Variants in MRPL39 observed in about 807,000 individuals in gnomAD.
MRPL39 encodes the protein large ribosomal subunit protein mL39.
In MRPL39, 35 loss-of-function variants were observed where a neutral mutation model predicts 44.5. The ratio of observed to expected loss-of-function variants is 0.79; its 90% CI spans 0.60 to 1.04. The LOEUF is 1.04. Among genes scored for constraint, MRPL39 ranks in the 50% least tolerant of loss-of-function variants. The probability of loss-of-function intolerance (pLI) is 0.00; values close to 1 mark genes in which losing one functional copy is unlikely to be tolerated. For synonymous variants in MRPL39, 139 were observed against 136.1 expected (o/e 1.02, Z -0.15); for missense variants, 433 against 413.5 (o/e 1.05, Z -0.41).
intron 2 of MRPL39, among the ~76,000 whole-genome samples, chr21:25,605,837 C>A (rs1029108099): frequency 3.9e-5 from 6 of 152,124 alleles, no homozygotes; most frequent in African/African-American, 1.4e-4. Context: ...TATGATAGTA[C>A]CACTACACTC....
At position 25,606,581 on chromosome 21, in the gene MRPL39, TA is replaced by T; in HGVS notation, c.147del (p.Asn49LysfsTer10). Reference sequence around the variant, plus strand: ...AATGATAACTGCCTGGCTTTCTCTTTATTAAAGAGATCATTCCGCATTTCTG... The same window carrying T: ...AATGATAACTGCCTGGCTTTCTCTTTTTAAAGAGATCATTCCGCATTTCTG... ...ELTEMRNDLFNKEKARQLSLT... is the reference protein window; with the variant it reads ...ELTEMRNDLFXKEKARQLSLT... On this transcript the variant is annotated frameshift_variant, in exon 2 of 10. Transcript: ENST00000352957. LOFTEE classifies it high-confidence loss of function. 1 of 1,614,072 alleles carries T rather than the reference TA, an allele frequency of 6.2e-7. No homozygotes were observed. The highest frequency in any genetic ancestry group is 1.1e-5 in the South Asian group (1 of 91,076).
chr21:25,588,220 G>A lies in MRPL39; in HGVS notation c.969+615C>T, dbSNP rs185031048. 1.9e-3 allele frequency among the ~76,000 whole-genome samples: 291 copies of A among 152,176 alleles called. 3 individuals carry two copies. Among genetic ancestry groups the A allele is most frequent in the African/African-American group, 6.6e-3 (274 of 41,550 alleles). On this transcript the variant is annotated intron_variant, in intron 9 of 9. Coordinates refer to ENST00000352957, the MANE Select transcript of MRPL39 (RefSeq NM_017446.4). Reference sequence around the variant, plus strand: ...CCAGCTACTTGGGAGGCTGAGGCACGAGAATCGCTTGAGCCCGGGAGGTGG... The same window carrying A: ...CCAGCTACTTGGGAGGCTGAGGCACAAGAATCGCTTGAGCCCGGGAGGTGG...
At chr21:25,597,452 C>G in intron 5 of MRPL39, 38 bp from the exon 6 acceptor site, 1 of 1,198,156 alleles carries the variant, frequency 8.3e-7, no homozygotes, top group Non-Finnish European at 1.2e-6. Context: ...TAACAATTCA[C>G]TGAAAAGCAT....
At chr21:25,599,921 A>C in intron 4 of MRPL39, 55 bp from the exon 5 acceptor site, 1 of 1,334,642 alleles carries the variant, frequency 7.5e-7, no homozygotes, top group Non-Finnish European at 1.1e-6. Context: ...ACAGAAAGTT[A>C]CTAATTTGCA....
chr21:25,606,952 C>A (rs563834014), intron 1 of MRPL39, among the ~76,000 whole-genome samples: 3 of 152,168 alleles, frequency 2.0e-5, no homozygotes, highest in Non-Finnish European at 2.9e-5. Flanking sequence ...ACAAAGTGGT[C>A]GGTTTGACAG....
intron 8 of MRPL39, among the ~76,000 whole-genome samples, chr21:25,590,375 A>T (rs76514064): frequency 0.024 from 3,578 of 147,818 alleles, 163 homozygotes; most frequent in African/African-American, 0.086. Flanking sequence ...AATGACAGCT[A>T]ATGAGCTAAA....
intron 6 of MRPL39, among the ~76,000 whole-genome samples, chr21:25,595,162 G>C (rs1286006775): frequency 6.6e-6 from 1 of 152,148 alleles, no homozygotes; most frequent in Non-Finnish European, 1.5e-5. Flanking sequence ...ATATGTGTAG[G>C]TGCACCACAG....
chr21:25,604,216 G>A (rs1047720396), intron 2 of MRPL39, among the ~76,000 whole-genome samples: 8 of 151,964 alleles, frequency 5.3e-5, no homozygotes, highest in Non-Finnish European at 7.4e-5. Context: ...CCGAGATCAC[G>A]CCACTGCATT....
chr21:25,602,472 A>G (rs79180215), intron 3 of MRPL39, among the ~76,000 whole-genome samples: 2 of 152,312 alleles, frequency 1.3e-5, no homozygotes, highest in Admixed American at 1.3e-4. Flanking sequence ...TACATAATAC[A>G]TACATACTCA....
intron 1 of MRPL39, 107 bp downstream of exon 1, chr21:25,607,296 C>T: frequency 1.6e-6 from 2 of 1,243,170 alleles, no homozygotes; most frequent in East Asian, 2.4e-5. Context: ...AGAAACCCTC[C>T]TCCTTCCTCT....
chr21:25,585,833 A>G, intron 9 of MRPL39, 79 bp from the exon 10 acceptor site: 1 of 965,598 alleles, frequency 1.0e-6, no homozygotes, highest in Non-Finnish European at 1.6e-6. Flanking sequence ...AAATCATTCC[A>G]CAGCCCTCTT....
At chr21:25,594,401 G>T (rs979864557) in intron 6 of MRPL39, among the ~76,000 whole-genome samples, 7 of 151,590 alleles carry the variant, frequency 4.6e-5, no homozygotes, top group Admixed American at 4.6e-4. Context: ...ACAGGTGTGA[G>T]CCACCATGCC....
chr21:25,590,915 A>G (rs1423106597), intron 8 of MRPL39, among the ~76,000 whole-genome samples: 3 of 152,216 alleles, frequency 2.0e-5, no homozygotes, highest in African/African-American at 7.2e-5. Context: ...TGGTACTGGT[A>G]GAGAGCTAAA....
At chr21:25,601,272 T>C in intron 4 of MRPL39, 96 bp downstream of exon 4, 1 of 613,216 alleles carries the variant, frequency 1.6e-6, no homozygotes, top group Non-Finnish European at 2.7e-6. Context: ...CACATATGTA[T>C]AATGGTAATT....
intron 2 of MRPL39, among the ~76,000 whole-genome samples, chr21:25,605,384 T>C (rs1336065515): frequency 6.6e-6 from 1 of 152,182 alleles, no homozygotes; most frequent in Admixed American, 6.5e-5. Flanking sequence ...TTTACCCCAA[T>C]CACATTCACC....
In MRPL39 at chr21:25,592,743, G is replaced by T. The variant is rs1460285677; in HGVS notation, c.921+69C>A. 5 of 1,166,104 alleles carry T rather than the reference G, an allele frequency of 4.3e-6. No individual in the cohort carries two copies. The Admixed American group carries it at 1.3e-4, about 30-fold the overall frequency. 72.2% of individuals were successfully genotyped at this position (1,166,104 alleles called of 1,614,324 possible). ...TTAAAAGTTTATATTCTTCAAACTG[G>T]TATAAAATCAAGTCCGGAATTATAT... On this transcript the variant is annotated intron_variant, in intron 8 of 9. Transcript: ENST00000352957.
intron 1 of MRPL39, 115 bp downstream of exon 1, chr21:25,607,288 A>G: frequency 8.7e-7 from 1 of 1,147,584 alleles, no homozygotes; most frequent in Non-Finnish European, 1.3e-6. Context: ...AGGGACTAAG[A>G]AACCCTCCTC....
At chr21:25,588,668 C>T (rs1468995803) in intron 9 of MRPL39, among the ~76,000 whole-genome samples, 167 bp downstream of exon 9, 1 of 152,176 alleles carries the variant, frequency 6.6e-6, no homozygotes, top group Admixed American at 6.5e-5. Flanking sequence ...CAACTTTACC[C>T]TTACCAACAC....
At chr21:25,604,073 C>A (rs530021497) in intron 2 of MRPL39, 138 bp from the exon 3 acceptor site, 1 of 750,958 alleles carries the variant, frequency 1.3e-6, no homozygotes, top group Non-Finnish European at 2.1e-6. Context: ...AAGTATATTA[C>A]GTCTATAATC....
Sources: gnomAD v4.1 joint callset for allele counts (sites outside exome capture counted in the v4.1 genomes callset) on GRCh38, gnomAD v4.1.1 for gene constraint, MANE v1.5 for transcripts, NCBI Gene and HGNC (gene_info 2026-07-23, HGNC 2026-07-21) for gene names.